KIF16B: variants seen among roughly 807,000 people sequenced by gnomAD.
KIF16B encodes kinesin-like protein KIF16B.
In KIF16B, 98 loss-of-function variants were observed where a neutral mutation model predicts 156.3. The observed-to-expected ratio is 0.63, with a 90% CI of 0.53 to 0.74. The LOEUF is 0.74. Ranked by LOEUF, KIF16B falls within the 30% of genes least tolerant of loss-of-function variation. The pLI, the probability that KIF16B is intolerant of heterozygous loss-of-function variation, is 0.00. For synonymous variants in KIF16B, 564 were observed against 583.7 expected (o/e 0.97, Z 0.49); for missense variants, 1,421 against 1,606.5 (o/e 0.88, Z 1.97).
intron 25 of KIF16B, among the ~76,000 whole-genome samples, chr20:16,285,123 C>T (rs1244821426): frequency 6.6e-6 from 1 of 152,146 alleles, no homozygotes; most frequent in Non-Finnish European, 1.5e-5. Context: ...TTGATTTTAC[C>T]TTAATCTTCA....
rs1006172213 is a variant in KIF16B at position 16,429,842 on chromosome 20, T to C, written c.1422+21A>G. ...AGAAACTGGAAACAAAATTAGAATG[T>C]TCCACTTAATCAGTTTCTACCTTTA... is the stretch of plus-strand genomic sequence containing the variant. On this transcript the variant is annotated intron_variant, in intron 13 of 25. Transcript: ENST00000354981. 3 of 1,595,902 alleles carry C rather than the reference T, an allele frequency of 1.9e-6. No individual in the cohort carries two copies. The African/African-American group carries it at 4.0e-5, about 22-fold the overall frequency.
intron 16 of KIF16B, among the ~76,000 whole-genome samples, chr20:16,406,148 G>A (rs1271970812): frequency 6.6e-6 from 1 of 152,160 alleles, no homozygotes; most frequent in East Asian, 1.9e-4. Flanking sequence ...GGATCTAGGA[G>A]GAGCAGTTTC....
intron 1 of KIF16B, among the ~76,000 whole-genome samples, chr20:16,558,897 C>CAAAAAAAAAAAAAAAAAAAAAAAA (rs11478258): frequency 1.6e-5 from 1 of 62,062 alleles, no homozygotes. Flanking sequence ...GAGCAAGACT[C>CAAAAAAAAAAAAAAAAAAAAAAAA]AAAAAAAAAA....
chr20:16,311,056 C>T (rs1414103972), intron 25 of KIF16B, among the ~76,000 whole-genome samples: 3 of 152,232 alleles, frequency 2.0e-5, no homozygotes, highest in Non-Finnish European at 4.4e-5. Context: ...ATGCCATGGG[C>T]AGCCAATTTT....
chr20:16,389,312 G>C (rs2065305880), intron 17 of KIF16B, among the ~76,000 whole-genome samples: 1 of 152,148 alleles, frequency 6.6e-6, no homozygotes, highest in Non-Finnish European at 1.5e-5. Context: ...ATTAGAACAA[G>C]AGGCCCAACT....
intron 11 of KIF16B, among the ~76,000 whole-genome samples, chr20:16,497,265 G>A (rs1219973838): frequency 6.6e-6 from 1 of 152,180 alleles, no homozygotes; most frequent in East Asian, 1.9e-4. Flanking sequence ...TCATTGTTGA[G>A]GCCATGGGGA....
intron 24 of KIF16B, among the ~76,000 whole-genome samples, chr20:16,332,713 A>G (rs1178134739): frequency 6.6e-6 from 1 of 152,232 alleles, no homozygotes; most frequent in Non-Finnish European, 1.5e-5. Flanking sequence ...AAACTTAGCT[A>G]GAAATTGAAG....
At chr20:16,343,743 T>C (rs968122602) in intron 23 of KIF16B, among the ~76,000 whole-genome samples, 4 of 152,184 alleles carry the variant, frequency 2.6e-5, no homozygotes, top group East Asian at 1.9e-4. Flanking sequence ...TTACATACTA[T>C]AGAAAATGAA....
At chr20:16,557,110 T>A (rs1189754095) in intron 1 of KIF16B, among the ~76,000 whole-genome samples, 1 of 148,502 alleles carries the variant, frequency 6.7e-6, no homozygotes, top group Admixed American at 6.8e-5. Context: ...TTAATATTAA[T>A]CATTAATATT....
chr20:16,415,877 A>C (rs1265943360), intron 15 of KIF16B, among the ~76,000 whole-genome samples: 1 of 152,156 alleles, frequency 6.6e-6, no homozygotes, highest in East Asian at 1.9e-4. Flanking sequence ...CTCCTAAGGA[A>C]TGTAGCTATA....
At chr20:16,302,687 T>G (rs1015975596) in intron 25 of KIF16B, among the ~76,000 whole-genome samples, 1 of 152,226 alleles carries the variant, frequency 6.6e-6, no homozygotes, top group African/African-American at 2.4e-5. Context: ...TCATCAGAAT[T>G]TTGTAGTTTT....
intron 3 of KIF16B, among the ~76,000 whole-genome samples, chr20:16,523,735 C>T (rs2069434177): frequency 6.6e-6 from 1 of 152,156 alleles, no homozygotes; most frequent in Non-Finnish European, 1.5e-5. Flanking sequence ...CAAGACAATC[C>T]TAAGCAAAAA....
In KIF16B at chr20:16,573,263, T is replaced by A. The variant is rs1425654462; in HGVS notation, c.13A>T (p.Lys5Ter). 3 of 1,608,938 alleles carry A rather than the reference T, an allele frequency of 1.9e-6. No individual in the cohort carries two copies. Among genetic ancestry groups the A allele is most frequent in the Non-Finnish European group, 2.5e-6 (3 of 1,178,744 alleles). Residue 5 changes from lysine to a stop codon, truncating the protein, a stop_gained, in exon 1 of 26, where the codon AAG (lysine) becomes TAG (stop). Coordinates refer to ENST00000354981, the MANE Select transcript of KIF16B (RefSeq NM_024704.5). LOFTEE classifies it high-confidence loss of function. ...ATGGGCCGGACCCTCACGGCCACCTTGACCGATGCCATCGCTCATCCCGAA... is the reference window on the plus strand; with the variant it reads ...ATGGGCCGGACCCTCACGGCCACCTAGACCGATGCCATCGCTCATCCCGAA... MASV[K>*]VAVRVRPMNR... is the part of the protein sequence containing the mutation.
At chr20:16,492,221 C>T (rs572348925) in intron 12 of KIF16B, among the ~76,000 whole-genome samples, 1 of 152,290 alleles carries the variant, frequency 6.6e-6, no homozygotes, top group Non-Finnish European at 1.5e-5. Flanking sequence ...GATACAGATA[C>T]AAACCCATCA....
chr20:16,327,068 TACACACAC>T (rs35869892), intron 24 of KIF16B, among the ~76,000 whole-genome samples: 17,807 of 142,932 alleles, frequency 0.12, 1,346 homozygotes, highest in East Asian at 0.32. Flanking sequence ...TGTATACATG[TACACACAC>T]ACACACACAC....
intron 24 of KIF16B, among the ~76,000 whole-genome samples, chr20:16,330,489 T>G (rs1270130721): frequency 1.3e-5 from 2 of 152,206 alleles, no homozygotes; most frequent in African/African-American, 4.8e-5. Flanking sequence ...ATTTAAGCAA[T>G]TATCAGATTT....
At chr20:16,530,990 C>A (rs1211947577) in intron 1 of KIF16B, among the ~76,000 whole-genome samples, 4 of 152,252 alleles carry the variant, frequency 2.6e-5, no homozygotes, top group African/African-American at 9.6e-5. Context: ...CACGAGCCAC[C>A]ATGCCTGGTC....
intron 12 of KIF16B, among the ~76,000 whole-genome samples, chr20:16,478,153 C>T (rs975992611): frequency 6.6e-6 from 1 of 152,126 alleles, no homozygotes; most frequent in Non-Finnish European, 1.5e-5. Context: ...GGACAATTCA[C>T]CTGATGACAA....
chr20:16,449,202 G>C (rs2067014503), intron 12 of KIF16B, among the ~76,000 whole-genome samples: 1 of 152,176 alleles, frequency 6.6e-6, no homozygotes, highest in East Asian at 1.9e-4. Context: ...GAGCTGAAAA[G>C]AGGCCAGCAC....
Sources: gnomAD v4.1 joint callset for allele counts (sites outside exome capture counted in the v4.1 genomes callset) on GRCh38, gnomAD v4.1.1 for gene constraint, MANE v1.5 for transcripts, NCBI Gene and HGNC (gene_info 2026-07-23, HGNC 2026-07-21) for gene names.